CCDC197: variants seen among roughly 807,000 people sequenced by gnomAD.
CCDC197 encodes the protein coiled-coil domain containing 197.
Under a neutral mutation model 13.4 loss-of-function variants are expected in CCDC197, and 24 were observed. That is an observed-to-expected ratio of 1.80 (90% CI 1.30 to 2.53). The LOEUF (loss-of-function observed/expected upper bound fraction) is 2.53. CCDC197 is among the 30% of genes most tolerant of loss of function. The pLI, the probability that CCDC197 is intolerant of heterozygous loss-of-function variation, is 0.00. For synonymous variants in CCDC197, 99 were observed against 55.5 expected (o/e 1.78, Z -3.48); for missense variants, 255 against 148.8 (o/e 1.71, Z -3.71).
intron 1 of CCDC197, among the ~76,000 whole-genome samples, chr14:93,991,989 CT>C (rs1890220689): frequency 1.3e-5 from 2 of 152,230 alleles, no homozygotes; most frequent in South Asian, 4.1e-4. Flanking sequence ...CTCAGACCAG[CT>C]CATAAGAGCC....
intron 6 of CCDC197, chr14:94,007,416 A>G (rs1890712960): frequency 6.6e-6 from 1 of 152,252 alleles, no homozygotes; most frequent in Admixed American, 6.5e-5. Context: ...GACCCTTGTC[A>G]AAAATCAATT....
At chr14:93,996,586 C>T (rs999998679), upstream of CCDC197, among the ~76,000 whole-genome samples, 2 of 152,220 alleles carry the variant, frequency 1.3e-5, no homozygotes, top group African/African-American at 4.8e-5. Flanking sequence ...CTGGCTCCTG[C>T]CTCCTTCACC....
chr14:93,996,423 C>T (rs1335478099), upstream of CCDC197, among the ~76,000 whole-genome samples: 5 of 148,674 alleles, frequency 3.4e-5, no homozygotes, highest in East Asian at 7.7e-4. Context: ...AGCCCAGCCC[C>T]GACCCTGGCC....
At chr14:94,002,394 T>G (rs1890547584) in intron 4 of CCDC197, among the ~76,000 whole-genome samples, 1 of 152,102 alleles carries the variant, frequency 6.6e-6, no homozygotes, top group South Asian at 2.1e-4. Context: ...GCTCCAGCGA[T>G]TTTCCTGCCT....
At chr14:94,002,590 C>T (rs1338906299) in intron 4 of CCDC197, among the ~76,000 whole-genome samples, 2 of 152,170 alleles carry the variant, frequency 1.3e-5, no homozygotes, top group Non-Finnish European at 2.9e-5. Context: ...TGGTGGCTCA[C>T]TCCTGTAATC....
In CCDC197 at chr14:93,998,356, G is replaced by C; in HGVS notation, c.104+121G>C. The C allele has an allele frequency of 6.0e-6, 4 of 670,950 alleles. No individual in the cohort carries two copies. The Admixed American group carries it at 8.4e-5, about 14-fold the overall frequency. The allele number at this position is 670,950 out of a possible 1,614,324, so 41.6% of individuals were successfully genotyped here. On this transcript the variant is annotated intron_variant, in intron 2 of 6. Transcript: ENST00000636493. Reference sequence around the variant, plus strand: ...GGACAGGGGGTGGATGAGGAGGGCAGTGTGGCTTGGAAGCAAATGGGCGGG... The same window carrying C: ...GGACAGGGGGTGGATGAGGAGGGCACTGTGGCTTGGAAGCAAATGGGCGGG...
intron 1 of CCDC197, among the ~76,000 whole-genome samples, chr14:93,991,396 C>T (rs573854393): frequency 5.6e-4 from 85 of 152,250 alleles, no homozygotes; most frequent in African/African-American, 2.0e-3. Context: ...ATGTTGTTGT[C>T]CCCCACTTAC....
upstream of CCDC197, among the ~76,000 whole-genome samples, chr14:93,993,892 C>T (rs1432706939): frequency 2.0e-5 from 3 of 152,264 alleles, no homozygotes; most frequent in East Asian, 1.9e-4. Context: ...GAGACCTGCG[C>T]CCCTCACCGC....
At position 94,008,771 on chromosome 14, in the gene CCDC197, T is replaced by G; in HGVS notation, c.778T>G (p.Phe260Val). The G allele has an allele frequency of 1.4e-6, 1 of 702,616 alleles. No individual in the cohort carries two copies. The highest frequency in any genetic ancestry group is 2.6e-6 in the Non-Finnish European group (1 of 384,982). 43.5% of individuals were successfully genotyped at this position (702,616 alleles called of 1,614,324 possible). Residue 260 changes from phenylalanine to valine, a missense_variant, in exon 7 of 7, where the codon TTT becomes GTT. Phe to Val is a conservative substitution (Grantham distance 50). Coordinates refer to ENST00000636493, the MANE Select transcript of CCDC197 (RefSeq NM_001351596.2). ...RRRVSTPRTP[F>V]PSPHASECSG... ...GCGGGTTTCCACCCCCAGGACCCCCTTTCCCAGCCCCCATGCTTCAGAGTG... is the reference window on the plus strand; with the variant it reads ...GCGGGTTTCCACCCCCAGGACCCCCGTTCCCAGCCCCCATGCTTCAGAGTG...
chr14:93,993,741 G>A (rs562926623), upstream of CCDC197, among the ~76,000 whole-genome samples: 4 of 152,262 alleles, frequency 2.6e-5, no homozygotes, highest in South Asian at 6.2e-4. Flanking sequence ...TTTGAAAAGG[G>A]GTCCTATTGC....
At chr14:93,991,345 C>T (rs1462843791) in intron 1 of CCDC197, among the ~76,000 whole-genome samples, 3 of 152,126 alleles carry the variant, frequency 2.0e-5, no homozygotes, top group Admixed American at 1.3e-4. Context: ...AGTGCCTTAC[C>T]TATGTCATCA....
intron 6 of CCDC197, 108 bp downstream of exon 6, chr14:94,005,079 C>G (rs1205662650): frequency 1.6e-6 from 1 of 620,692 alleles, no homozygotes; most frequent in African/African-American, 1.8e-5. Flanking sequence ...AGCCCCCCAT[C>G]AGCTCTTCTT....
At chr14:93,987,798 G>A (rs1051377279) in intron 1 of CCDC197, among the ~76,000 whole-genome samples, 1 of 151,904 alleles carries the variant, frequency 6.6e-6, no homozygotes, top group Admixed American at 6.6e-5. Context: ...CCCAGAAAGT[G>A]GAACTATTAT....
At chr14:93,996,332 T>C (rs965238548), upstream of CCDC197, among the ~76,000 whole-genome samples, 7 of 152,204 alleles carry the variant, frequency 4.6e-5, no homozygotes, top group Non-Finnish European at 7.3e-5. Context: ...CAGGGACTCC[T>C]GGGCTGGCTG....
intron 4 of CCDC197, among the ~76,000 whole-genome samples, chr14:94,001,951 G>A (rs1890527230): frequency 6.6e-6 from 1 of 152,160 alleles, no homozygotes; most frequent in Admixed American, 6.5e-5. Context: ...TTTGGAGAGA[G>A]CATCTGCCCC....
chr14:93,993,024 A>C (rs1890236096), upstream of CCDC197, among the ~76,000 whole-genome samples: 1 of 152,084 alleles, frequency 6.6e-6, no homozygotes, highest in African/African-American at 2.4e-5. Context: ...GGTCTTAGTA[A>C]AATTCTGGCC....
intron 1 of CCDC197, among the ~76,000 whole-genome samples, chr14:93,991,255 T>C (rs1890205740): frequency 6.6e-6 from 1 of 152,180 alleles, no homozygotes; most frequent in South Asian, 2.1e-4. Flanking sequence ...TGGGAGGGGA[T>C]GAGCTGCCCA....
downstream of CCDC197, among the ~76,000 whole-genome samples, chr14:94,009,020 G>C (rs1011413217): frequency 1.4e-4 from 21 of 152,208 alleles, no homozygotes; most frequent in African/African-American, 5.1e-4. Context: ...CCTGGGATCC[G>C]GGAGAGAGAG....
rs749630715 is a variant in CCDC197, at chr14:94,001,131, C to T, written c.188-14C>T. On this transcript the variant is annotated splice_polypyrimidine_tract_variant and intron_variant, in intron 3 of 6. Transcript: ENST00000636493. ...GGGGCACCCACCCATCCCGCCATGG[C>T]GCTGTCTCCGTAGGCTGCACGGGAT... 6.5e-6 allele frequency: 5 copies of T among 763,594 alleles called. No homozygotes were observed. The highest frequency in any genetic ancestry group is 1.2e-5 in the Non-Finnish European group (5 of 409,170). The allele number at this position is 763,594 out of a possible 1,614,324, so 47.3% of individuals were successfully genotyped here.
Sources: allele counts gnomAD v4.1 joint callset (sites outside exome capture counted in the v4.1 genomes callset), GRCh38; gene constraint gnomAD v4.1.1; transcripts MANE v1.5; gene names NCBI Gene and HGNC (gene_info 2026-07-23, HGNC 2026-07-21).